Variants in SGCZ observed in about 807,000 individuals in gnomAD.
SGCZ encodes zeta-sarcoglycan.
A neutral mutation model predicts 41.3 loss-of-function variants in SGCZ; 40 were observed. The observed-to-expected ratio is 0.97, with a 90% CI of 0.75 to 1.26. The LOEUF is 1.26. Among genes scored for constraint, SGCZ ranks in the 50% most tolerant of loss-of-function variants. SGCZ has a pLI of 0.00. For missense variants in SGCZ, 552 were observed against 369.8 expected, an observed-to-expected ratio of 1.49 and a Z score of -4.04; for synonymous variants, 206 against 137.5, an observed-to-expected ratio of 1.50 and a Z score of -3.49.
At chr8:14,525,935 T>C (rs543839107) in intron 2 of SGCZ, among the ~76,000 whole-genome samples, 1 of 151,802 alleles carries the variant, frequency 6.6e-6, no homozygotes, top group African/African-American at 2.4e-5. Flanking sequence ...ATAGTGAACA[T>C]ACAAGTGCCA....
intron 6 of SGCZ, among the ~76,000 whole-genome samples, chr8:14,104,470 A>G (rs916886703): frequency 1.3e-5 from 2 of 152,164 alleles, no homozygotes; most frequent in Admixed American, 6.5e-5. Flanking sequence ...AATTCTCAAC[A>G]TTCAGAAAAA....
intron 2 of SGCZ, among the ~76,000 whole-genome samples, chr8:14,554,290 T>C (rs112702251): frequency 6.0e-4 from 91 of 152,154 alleles, no homozygotes; most frequent in Middle Eastern, 3.4e-3. Flanking sequence ...GTGTGTTACA[T>C]AGAAAGCAGA....
At chr8:14,156,739 C>G (rs1381727506) in intron 5 of SGCZ, among the ~76,000 whole-genome samples, 2 of 151,938 alleles carry the variant, frequency 1.3e-5, no homozygotes, top group African/African-American at 2.4e-5. Flanking sequence ...TGCTAAACAC[C>G]AAGAAAATAC....
At chr8:14,284,227 C>A (rs1438379366) in intron 3 of SGCZ, among the ~76,000 whole-genome samples, 1 of 152,144 alleles carries the variant, frequency 6.6e-6, no homozygotes, top group Non-Finnish European at 1.5e-5. Context: ...CCCACCTCTA[C>A]AAAACATTTG....
intron 3 of SGCZ, chr8:14,309,520 T>C: frequency 1.2e-6 from 2 of 1,609,748 alleles, no homozygotes; most frequent in Non-Finnish European, 1.7e-6. Context: ...CAGTGTGGAC[T>C]ACTGAATGTG....
At chr8:14,332,785 TG>T (rs1471276966) in intron 2 of SGCZ, 2 of 151,442 alleles carry the variant, frequency 1.3e-5, no homozygotes, top group African/African-American at 4.8e-5. Flanking sequence ...AAATTTGGTT[TG>T]CAATAGAGTA....
Position 14,729,043 on chromosome 8 carries a change from C to T in SGCZ, c.40-174117G>A, listed in dbSNP as rs553400234. On this transcript the variant is annotated intron_variant, in intron 1 of 7. Coordinates refer to ENST00000382080, the MANE Select transcript of SGCZ (RefSeq NM_139167.4). ...GTAATGTGGTCACTAGGAATTAAGC[C>T]TTCAAGGAAGGAATCCAGTATTTAA... Among the ~76,000 whole-genome samples the T allele has an allele frequency of 1.3e-3, 201 of 152,218 alleles. 5 individuals carry two copies. Among genetic ancestry groups the T allele is most frequent in the African/African-American group, 4.7e-3 (195 of 41,528 alleles).
At chr8:14,308,206 C>A (rs138620329) in intron 3 of SGCZ, among the ~76,000 whole-genome samples, 1 of 152,112 alleles carries the variant, frequency 6.6e-6, no homozygotes, top group African/African-American at 2.4e-5. Flanking sequence ...ATACCTAAAT[C>A]TTTCAATTAT....
intron 3 of SGCZ, among the ~76,000 whole-genome samples, chr8:14,270,333 A>T (rs1800016487): frequency 1.3e-5 from 2 of 151,586 alleles, no homozygotes; most frequent in African/African-American, 4.9e-5. Flanking sequence ...CTCCGTCTCA[A>T]AAAAAAAATT....
intron 2 of SGCZ, among the ~76,000 whole-genome samples, chr8:14,451,959 C>G (rs1055934855): frequency 5.9e-5 from 9 of 152,138 alleles, no homozygotes; most frequent in African/African-American, 2.2e-4. Flanking sequence ...AGTTTACGAT[C>G]CAGCAATCAT....
intron 1 of SGCZ, among the ~76,000 whole-genome samples, chr8:15,122,558 C>G (rs577966320): frequency 6.6e-6 from 1 of 151,968 alleles, no homozygotes; most frequent in African/African-American, 2.4e-5. Flanking sequence ...ATTTTAATAG[C>G]CCAATGTCTA....
intron 5 of SGCZ, among the ~76,000 whole-genome samples, chr8:14,163,202 G>T (rs1203922597): frequency 6.6e-6 from 1 of 152,154 alleles, no homozygotes; most frequent in Non-Finnish European, 1.5e-5. Context: ...GAGTACATGT[G>T]AAGGTTTGTT....
intron 2 of SGCZ, among the ~76,000 whole-genome samples, chr8:14,372,160 TA>T (rs1174824489): frequency 9.9e-5 from 15 of 152,122 alleles, no homozygotes; most frequent in Non-Finnish European, 2.9e-5. Context: ...TTTTAGATCC[TA>T]AGGGTAGTAC....
At chr8:15,169,417 G>A (rs1375199221) in intron 1 of SGCZ, among the ~76,000 whole-genome samples, 1 of 152,138 alleles carries the variant, frequency 6.6e-6, no homozygotes, top group African/African-American at 2.4e-5. Context: ...AAACTCTCTA[G>A]CAGGGACTCC....
chr8:14,125,503 C>CAAA (rs35509746), intron 5 of SGCZ, among the ~76,000 whole-genome samples: 70 of 118,456 alleles, frequency 5.9e-4, no homozygotes, highest in African/African-American at 2.0e-3. Context: ...GATTCCGTCT[C>CAAA]AAAAAAAAAA....
At chr8:14,239,236 G>A (rs966501395) in intron 3 of SGCZ, among the ~76,000 whole-genome samples, 5 of 107,696 alleles carry the variant, frequency 4.6e-5, no homozygotes, top group Non-Finnish European at 9.1e-5. Context: ...TAAAGATGAT[G>A]GTTCATACAT....
At chr8:14,461,831 C>T (rs1800910005) in intron 2 of SGCZ, among the ~76,000 whole-genome samples, 1 of 152,062 alleles carries the variant, frequency 6.6e-6, no homozygotes, top group South Asian at 2.1e-4. Flanking sequence ...AACGTAGTTG[C>T]TTGCAGTACA....
intron 1 of SGCZ, among the ~76,000 whole-genome samples, chr8:15,162,593 G>A (rs561907348): frequency 2.6e-5 from 4 of 152,064 alleles, no homozygotes; most frequent in African/African-American, 9.7e-5. Flanking sequence ...TTATGGCATC[G>A]GCCTTTGAAA....
At chr8:14,807,692 G>A (rs1801589374) in intron 1 of SGCZ, among the ~76,000 whole-genome samples, 2 of 151,662 alleles carry the variant, frequency 1.3e-5, no homozygotes, top group South Asian at 4.2e-4. Flanking sequence ...TCCCCATCAA[G>A]CTACCAATGC....
Sources: gnomAD v4.1 joint callset for allele counts (sites outside exome capture counted in the v4.1 genomes callset) on GRCh38, gnomAD v4.1.1 for gene constraint, MANE v1.5 for transcripts, NCBI Gene and HGNC (gene_info 2026-07-23, HGNC 2026-07-21) for gene names.